The following SEMA3A variants were observed in gnomAD, a reference collection of about 807,000 sequenced individuals.
SEMA3A encodes semaphorin 3A, also known as semaphorin-3A.
SEMA3A carries 29 observed loss-of-function variants against 97.9 expected under a neutral mutation model. The ratio of observed to expected loss-of-function variants is 0.30; its 90% CI spans 0.22 to 0.40. The LOEUF is 0.40. Among genes scored for constraint, SEMA3A ranks in the 10% least tolerant of loss-of-function variants. The probability of loss-of-function intolerance (pLI) is 1.00; values close to 1 mark genes in which losing one functional copy is unlikely to be tolerated. For synonymous variants in SEMA3A, 321 were observed against 323.7 expected (o/e 0.99, Z 0.09); for missense variants, 763 against 951.3 (o/e 0.80, Z 2.60).
intron 3 of SEMA3A, among the ~76,000 whole-genome samples, chr7:84,253,026 G>T (rs1799643285): frequency 6.6e-6 from 1 of 151,998 alleles, no homozygotes; most frequent in African/African-American, 2.4e-5. Flanking sequence ...CTACAGGCGT[G>T]TGCCACCACA....
chr7:84,443,455 AT>A (rs533298902), intron 1 of SEMA3A, among the ~76,000 whole-genome samples: 1 of 151,944 alleles, frequency 6.6e-6, no homozygotes, highest in East Asian at 1.9e-4. Context: ...TTAAATTGAC[AT>A]TTTTTTTACT....
At chr7:84,400,572 A>G (rs997187704) in intron 1 of SEMA3A, among the ~76,000 whole-genome samples, 2 of 152,212 alleles carry the variant, frequency 1.3e-5, no homozygotes, top group African/African-American at 2.4e-5. Context: ...AAGTCAGGAT[A>G]CTTGAAAGTT....
intron 3 of SEMA3A, among the ~76,000 whole-genome samples, chr7:84,237,739 A>G (rs1799268390): frequency 6.6e-6 from 1 of 152,056 alleles, no homozygotes; most frequent in African/African-American, 2.4e-5. Flanking sequence ...AGTTTCAATC[A>G]CAGAACATAC....
chr7:84,205,542 T>G (rs1344523344), intron 3 of SEMA3A, among the ~76,000 whole-genome samples: 2 of 152,176 alleles, frequency 1.3e-5, no homozygotes, highest in Non-Finnish European at 1.5e-5. Flanking sequence ...ATATCTAAAT[T>G]TATAAAACAA....
intron 2 of SEMA3A, among the ~76,000 whole-genome samples, chr7:84,360,649 A>G (rs1265565169): frequency 6.6e-6 from 1 of 152,096 alleles, no homozygotes; most frequent in African/African-American, 2.4e-5. Flanking sequence ...TGTCAAGACG[A>G]GTGTAGTATA....
At chr7:83,990,346 G>T (rs902296502) in intron 12 of SEMA3A, among the ~76,000 whole-genome samples, 7 of 151,906 alleles carry the variant, frequency 4.6e-5, no homozygotes, top group South Asian at 4.2e-4. Flanking sequence ...GTCAATTTTG[G>T]CTTTTGTTGC....
intron 3 of SEMA3A, among the ~76,000 whole-genome samples, chr7:84,228,863 T>C (rs962634497): frequency 6.6e-6 from 1 of 152,106 alleles, no homozygotes; most frequent in Non-Finnish European, 1.5e-5. Flanking sequence ...GTGCCTTCTA[T>C]TGAAGACCTG....
At chr7:84,340,820 CA>C (rs1802148595) in intron 2 of SEMA3A, among the ~76,000 whole-genome samples, 1 of 149,962 alleles carries the variant, frequency 6.7e-6, no homozygotes, top group Admixed American at 6.7e-5. Flanking sequence ...ATATGTACAT[CA>C]AATACATCAA....
At chr7:84,144,819 C>A (rs1796415913) in intron 1 of SEMA3A, among the ~76,000 whole-genome samples, 1 of 152,094 alleles carries the variant, frequency 6.6e-6, no homozygotes, top group Non-Finnish European at 1.5e-5. Context: ...TTCATTCAAA[C>A]AAGGCGTGAA....
intron 3 of SEMA3A, among the ~76,000 whole-genome samples, chr7:84,236,168 C>G (rs138891046): frequency 9.2e-5 from 14 of 152,220 alleles, no homozygotes; most frequent in African/African-American, 2.6e-4. Context: ...TGGCCACTCT[C>G]CTTTGCTTGG....
chr7:84,453,833 A>G (rs915835045), intron 1 of SEMA3A, among the ~76,000 whole-genome samples: 13 of 152,308 alleles, frequency 8.5e-5, no homozygotes, highest in African/African-American at 3.1e-4. Context: ...TATCACTTCA[A>G]TAAATAAAAA....
intron 2 of SEMA3A, among the ~76,000 whole-genome samples, chr7:84,314,421 T>C (rs1301478404): frequency 6.6e-6 from 1 of 152,170 alleles, no homozygotes. Flanking sequence ...TGACTGCAAG[T>C]AACCTGTGCC....
intron 3 of SEMA3A, among the ~76,000 whole-genome samples, chr7:84,230,681 C>T (rs374515251): frequency 2.3e-4 from 35 of 151,906 alleles, no homozygotes; most frequent in Admixed American, 5.3e-4. Flanking sequence ...TTGTTGTCAT[C>T]GGCTTGGTTT....
intron 2 of SEMA3A, among the ~76,000 whole-genome samples, chr7:84,368,675 A>G (rs1802906586): frequency 6.6e-6 from 1 of 150,612 alleles, no homozygotes; most frequent in Non-Finnish European, 1.5e-5. Context: ...TCTAACAATT[A>G]TTATTATAAT....
Position 84,021,801 on chromosome 7 carries a change from G to C in SEMA3A, c.668-7450C>G, listed in dbSNP as rs1791339554. On this transcript the variant is annotated intron_variant, in intron 6 of 16. Coordinates refer to ENST00000265362, the MANE Select transcript of SEMA3A (RefSeq NM_006080.3). ...AATTGGTAGGTTCTTTTGAAAGAAG[G>C]AATTACATTTTCTTGTTTTTTGGCA... Among the ~76,000 whole-genome samples the C allele has an allele frequency of 2.0e-5, 3 of 152,108 alleles. No homozygotes were observed. In the South Asian group the frequency reaches 6.2e-4, roughly 32 times the overall value.
At chr7:84,422,113 C>G (rs1804612105) in intron 1 of SEMA3A, among the ~76,000 whole-genome samples, 1 of 151,988 alleles carries the variant, frequency 6.6e-6, no homozygotes, top group African/African-American at 2.4e-5. Context: ...CTTCGTACCT[C>G]TGGTAGAATT....
chr7:84,313,346 A>C (rs561247651), intron 2 of SEMA3A, among the ~76,000 whole-genome samples: 1 of 33,236 alleles, frequency 3.0e-5, no homozygotes, highest in African/African-American at 9.0e-5. Context: ...ATATATGTAT[A>C]TGTGTGTGTG....
chr7:84,128,376 CTCAGAAATGGAAACATTTCATA>C (rs1378701166), intron 3 of SEMA3A, among the ~76,000 whole-genome samples: 2 of 151,972 alleles, frequency 1.3e-5, no homozygotes, highest in African/African-American at 4.8e-5. Flanking sequence ...TTAATTATGA[CTCAGAAATGGAAACATTTCATA>C]TCATTTCAAG....
At chr7:84,434,448 C>T (rs1403533375) in intron 1 of SEMA3A, among the ~76,000 whole-genome samples, 2 of 152,046 alleles carry the variant, frequency 1.3e-5, no homozygotes, top group Non-Finnish European at 2.9e-5. Context: ...AAAGAGCTGG[C>T]ACCAATTCTA....
Sources: allele counts gnomAD v4.1 joint callset (sites outside exome capture counted in the v4.1 genomes callset), GRCh38; gene constraint gnomAD v4.1.1; transcripts MANE v1.5; gene names NCBI Gene and HGNC (gene_info 2026-07-23, HGNC 2026-07-21).